Variants in PRRC2C observed in about 807,000 individuals in gnomAD.
PRRC2C encodes proline rich coiled-coil 2C, also known as protein PRRC2C.
Under a neutral mutation model 317.2 loss-of-function variants are expected in PRRC2C, and 72 were observed. The observed-to-expected ratio is 0.23, with a 90% CI of 0.19 to 0.28. PRRC2C has a LOEUF of 0.28. Ranked by LOEUF, PRRC2C falls within the 10% of genes least tolerant of loss-of-function variation. PRRC2C has a pLI of 1.00. For missense variants in PRRC2C, 3,074 were observed against 3,459.7 expected (o/e 0.89, Z 2.80); for synonymous variants, 1,296 against 1,205.9 (o/e 1.07, Z -1.55).
chr1:171,532,235 C>T lies in PRRC2C; in HGVS notation c.1255-108C>T, dbSNP rs1434389356. The T allele has an allele frequency of 1.1e-5, 13 of 1,168,548 alleles. No homozygotes were observed. The African/African-American group carries it at 2.0e-4, about 18-fold the overall frequency. 72.4% of individuals were successfully genotyped at this position (1,168,548 alleles called of 1,614,324 possible). A position where few individuals can be genotyped will look rare whatever the true frequency, so the allele number is the denominator to read the frequency against. ...TTTTCATTTTAATGTGTATGTTCAT[C>T]AGAGAAATTTCTGATATTTTTGTGG... On this transcript the variant is annotated intron_variant, in intron 11 of 34. Transcript: ENST00000647382.
At chr1:171,563,056 T>TA (rs938055770) in intron 20 of PRRC2C, among the ~76,000 whole-genome samples, 1 of 152,120 alleles carries the variant, frequency 6.6e-6, no homozygotes, top group African/African-American at 2.4e-5. Context: ...GTTCAATTGA[T>TA]AGAGTTACAT....
chr1:171,557,184 G>C (rs2102637911), intron 18 of PRRC2C, 56 bp from the exon 19 acceptor site: 1 of 1,477,212 alleles, frequency 6.8e-7, no homozygotes, highest in Non-Finnish European at 9.0e-7. Flanking sequence ...TTGCATTTAT[G>C]AACTGTTGCA....
At chr1:171,486,679 T>TA (rs1259275591) in intron 1 of PRRC2C, among the ~76,000 whole-genome samples, 1 of 152,188 alleles carries the variant, frequency 6.6e-6, no homozygotes, top group Admixed American at 6.5e-5. Context: ...CATACCTCGT[T>TA]AGAGTACTTA....
chr1:171,489,811 C>G (rs1215651252), intron 1 of PRRC2C, among the ~76,000 whole-genome samples: 1 of 152,182 alleles, frequency 6.6e-6, no homozygotes, highest in African/African-American at 2.4e-5. Context: ...CCAGTATTTT[C>G]CAAACTTAAA....
chr1:171,491,667 G>A (rs1360121900), intron 1 of PRRC2C, among the ~76,000 whole-genome samples: 2 of 152,128 alleles, frequency 1.3e-5, no homozygotes, highest in Non-Finnish European at 2.9e-5. Context: ...AGGTGGTTGG[G>A]CAAGTACAGA....
In PRRC2C at chr1:171,512,085, C is replaced by T. The variant is rs1212384824; in HGVS notation, c.-4C>T. On this transcript the variant is annotated 5_prime_UTR_variant, in exon 2 of 35. The change creates a premature stop within an existing upstream ORF in the 5' untranslated region. Transcript: ENST00000647382. The stretch of plus-strand genomic sequence containing the variant: ...GGTTTTGGACTCGATGAGTTTCCAC[C>T]GAAATGTCGGAGAAGTCAGGCCAGA... 18 of 1,549,254 alleles carry T rather than the reference C, an allele frequency of 1.2e-5. No homozygotes were observed. In the East Asian group the frequency reaches 1.7e-4, roughly 14 times the overall value.
chr1:171,503,664 A>G (rs1669606359), intron 1 of PRRC2C, among the ~76,000 whole-genome samples: 1 of 152,012 alleles, frequency 6.6e-6, no homozygotes. Context: ...GAGGTATTTT[A>G]TTTCGGTTTA....
At chr1:171,518,457 T>C (rs1672804710) in intron 6 of PRRC2C, among the ~76,000 whole-genome samples, 1 of 151,460 alleles carries the variant, frequency 6.6e-6, no homozygotes, top group Non-Finnish European at 1.5e-5. Flanking sequence ...TTGTGTACTT[T>C]TAATATTTTT....
intron 26 of PRRC2C, 134 bp downstream of exon 26, chr1:171,577,771 A>ATTTTTTTTT (rs1553245738): frequency 7.8e-6 from 2 of 257,514 alleles, no homozygotes; most frequent in African/African-American, 1.4e-4. Flanking sequence ...TTAAATTCGC[A>ATTTTTTTTT]TTTTTTTTTT....
At chr1:171,537,000 A>G (rs1676955931) in intron 14 of PRRC2C, among the ~76,000 whole-genome samples, 1 of 152,116 alleles carries the variant, frequency 6.6e-6, no homozygotes, top group African/African-American at 2.4e-5. Flanking sequence ...CTTTCTTTTG[A>G]AGTAAAACAG....
intron 1 of PRRC2C, among the ~76,000 whole-genome samples, chr1:171,489,524 G>T (rs927356977): frequency 3.3e-5 from 5 of 152,204 alleles, no homozygotes; most frequent in Non-Finnish European, 7.4e-5. Context: ...AGATAGTACA[G>T]ATTGAGTTCC....
chr1:171,522,841 C>G (rs755728425), intron 7 of PRRC2C, among the ~76,000 whole-genome samples: 43 of 150,926 alleles, frequency 2.8e-4, no homozygotes, highest in African/African-American at 9.2e-4. Flanking sequence ...TTCTTCCTTT[C>G]ATATTATGGA....
intron 20 of PRRC2C, among the ~76,000 whole-genome samples, chr1:171,565,804 C>T (rs1318692987): frequency 6.6e-6 from 1 of 152,202 alleles, no homozygotes; most frequent in Non-Finnish European, 1.5e-5. Context: ...TGTTACCAAT[C>T]ACAAAGTTTT....
chr1:171,513,260 T>C (rs1671702150), intron 3 of PRRC2C, 88 bp downstream of exon 3: 6 of 1,320,390 alleles, frequency 4.5e-6, no homozygotes, highest in Non-Finnish European at 5.2e-6. Context: ...CTAAGTGTTA[T>C]GCTGTCTGTA....
intron 6 of PRRC2C, among the ~76,000 whole-genome samples, chr1:171,520,673 G>C (rs1284819481): frequency 1.3e-5 from 2 of 151,888 alleles, no homozygotes; most frequent in Non-Finnish European, 2.9e-5. Context: ...ATTAACTTCA[G>C]TATAGAAGTG....
At chr1:171,572,737 C>G (rs1684999693) in intron 24 of PRRC2C, among the ~76,000 whole-genome samples, 1 of 152,130 alleles carries the variant, frequency 6.6e-6, no homozygotes, top group Non-Finnish European at 1.5e-5. Flanking sequence ...GGTAAATAAT[C>G]TAATTTCACA....
intron 6 of PRRC2C, among the ~76,000 whole-genome samples, chr1:171,519,084 A>G (rs1221852482): frequency 6.6e-6 from 1 of 152,030 alleles, no homozygotes; most frequent in East Asian, 1.9e-4. Context: ...GGATTTTGCC[A>G]TGTTGGCAAG....
chr1:171,566,410 A>G lies in PRRC2C; in HGVS notation c.6295A>G (p.Lys2099Glu). 6.4e-7 allele frequency: 1 copy of G among 1,573,856 alleles called. No individual in the cohort carries two copies. The highest frequency in any genetic ancestry group is 8.6e-7 in the Non-Finnish European group (1 of 1,159,362). The change falls in exon 21 of 35, where the codon AAA becomes GAA. Residue 2099 changes from lysine to glutamate, a missense_variant. Lys to Glu is a moderately conservative substitution (Grantham distance 56, BLOSUM62 1). Around this residue, in one of 11 missense-constraint regions of PRRC2C, gnomAD observed 640 missense variants for 676.1 expected, o/e 0.95. Coordinates refer to ENST00000647382, the MANE Select transcript of PRRC2C (RefSeq NM_001387844.1). ...RQKQPRAGPI[K>E]AQKLPDLSPV... ...GAAGCAGCCACGAGCAGGACCTATCAAAGCCCAGAAGGTAAATATACTTTA... is the reference window on the plus strand; with the variant it reads ...GAAGCAGCCACGAGCAGGACCTATCGAAGCCCAGAAGGTAAATATACTTTA...
intron 23 of PRRC2C, 107 bp downstream of exon 23, chr1:171,568,446 G>A: frequency 7.1e-7 from 1 of 1,404,090 alleles, no homozygotes. Flanking sequence ...ATTTAACTCA[G>A]GGAAAGAGTT....
Sources: gnomAD v4.1 joint callset for allele counts (sites outside exome capture counted in the v4.1 genomes callset) on GRCh38, gnomAD v4.1.1 for gene constraint, gnomAD v4.1.1 regional missense constraint, MANE v1.5 for transcripts, NCBI Gene and HGNC (gene_info 2026-07-23, HGNC 2026-07-21) for gene names.